Variants in RAB20 observed in about 807,000 individuals in gnomAD.
RAB20 encodes the protein ras-related protein Rab-20.
Under a neutral mutation model 3.7 loss-of-function variants are expected in RAB20, and 2 were observed. The ratio of observed to expected loss-of-function variants is 0.54; its 90% CI spans 0.22 to 1.69. The LOEUF (loss-of-function observed/expected upper bound fraction) is 1.69. Among genes scored for constraint, RAB20 ranks in the 40% most tolerant of loss-of-function variants. RAB20 has a pLI of 0.19. For synonymous variants in RAB20, 126 were observed against 130.8 expected (o/e 0.96, Z 0.25); for missense variants, 276 against 311.9 (o/e 0.88, Z 0.87).
chr13:110,534,550 G>A (rs575353152), intron 1 of RAB20, among the ~76,000 whole-genome samples: 3 of 152,294 alleles, frequency 2.0e-5, no homozygotes, highest in Admixed American at 1.3e-4. Context: ...GGCATGACAG[G>A]GGCTTTTCAG....
At chr13:110,535,459 C>A (rs982717171) in intron 1 of RAB20, among the ~76,000 whole-genome samples, 2 of 152,266 alleles carry the variant, frequency 1.3e-5, no homozygotes, top group Non-Finnish European at 2.9e-5. Context: ...ACAACCACTT[C>A]GTGGGTCACG....
chr13:110,554,945 G>A (rs1479870541), intron 1 of RAB20, among the ~76,000 whole-genome samples: 1 of 151,356 alleles, frequency 6.6e-6, no homozygotes, highest in Non-Finnish European at 1.5e-5. Context: ...CCAGACCTTG[G>A]GTTCCCAAGG....
chr13:110,538,099 C>T (rs1027538816), intron 1 of RAB20, among the ~76,000 whole-genome samples: 2 of 151,696 alleles, frequency 1.3e-5, no homozygotes, highest in Non-Finnish European at 2.9e-5. Flanking sequence ...AATCAGTGGG[C>T]ATGGTGGTGT....
intron 1 of RAB20, among the ~76,000 whole-genome samples, chr13:110,533,814 C>T (rs1256359107): frequency 2.0e-5 from 3 of 152,232 alleles, no homozygotes; most frequent in Admixed American, 6.5e-5. Context: ...GGAAGGCCCA[C>T]AAGAGTCCCT....
rs538128626 is a variant in RAB20, at chr13:110,541,131, T to C, written c.173-16934A>G. ...AGAGCCGACCACCCCTCACTCTAAG[T>C]AAAACCTGACAGCTGATCTTTTCAC... On this transcript the variant is annotated intron_variant, in intron 1 of 1. Coordinates refer to ENST00000267328, the MANE Select transcript of RAB20 (RefSeq NM_017817.3). Among the ~76,000 whole-genome samples, 9 of 152,196 alleles carry C rather than the reference T, an allele frequency of 5.9e-5. No individual in the cohort carries two copies. In the East Asian group the frequency reaches 1.7e-3, roughly 29 times the overall value.
intron 1 of RAB20, among the ~76,000 whole-genome samples, chr13:110,552,750 CAG>C (rs1566591375): frequency 6.6e-6 from 1 of 151,510 alleles, no homozygotes; most frequent in Non-Finnish European, 1.5e-5. Flanking sequence ...TCTATTTCTC[CAG>C]AGAGCTTAAA....
At chr13:110,536,946 C>G (rs1594132299) in intron 1 of RAB20, among the ~76,000 whole-genome samples, 3 of 108,050 alleles carry the variant, frequency 2.8e-5, no homozygotes, top group South Asian at 6.7e-4. Context: ...CACCCCACAA[C>G]AGGCCCCGCT....
chr13:110,538,795 T>G (rs2182272), intron 1 of RAB20, among the ~76,000 whole-genome samples: 140,603 of 152,112 alleles, frequency 0.92, 65,039 homozygotes, highest in South Asian at 0.96. Context: ...CATCCTGTGT[T>G]CTCAGCTGTG....
rs1566589417 is a variant in RAB20 at position 110,546,726 on chromosome 13, GT to G, written c.172+14621del. 4.4e-4 allele frequency among the ~76,000 whole-genome samples: 18 copies of G among 40,894 alleles called. No individual in the cohort carries two copies. In the East Asian group the frequency reaches 0.014, roughly 32 times the overall value. The allele number at this position is 40,894 out of a possible 152,430, so 26.8% of individuals were successfully genotyped here. A position where few individuals can be genotyped will look rare whatever the true frequency, so the allele number is the denominator to read the frequency against. Reference sequence around the variant, plus strand: ...TTTTTTTTTGTTTTTTGGGTTTTTTGTTTGTTTGTTTGTTTGTTTGTTTGTT... The same window carrying G: ...TTTTTTTTTGTTTTTTGGGTTTTTTGTTGTTTGTTTGTTTGTTTGTTTGTT... On this transcript the variant is annotated intron_variant, in intron 1 of 1. Coordinates refer to ENST00000267328, the MANE Select transcript of RAB20 (RefSeq NM_017817.3).
rs899197449 is a variant in RAB20 at position 110,555,306 on chromosome 13, C to T, written c.172+6042G>A. Among the ~76,000 whole-genome samples, 5 of 152,196 alleles carry T rather than the reference C, an allele frequency of 3.3e-5. No homozygotes were observed. The highest frequency in any genetic ancestry group is 2.1e-4 in the South Asian group (1 of 4,830). The stretch of plus-strand genomic sequence containing the variant: ...TCAAATGAGGCTTGAATTCCTCTTC[C>T]ACGTGACAACCTTCCAACACTCAAA... On this transcript the variant is annotated intron_variant, in intron 1 of 1. Coordinates refer to ENST00000267328, the MANE Select transcript of RAB20 (RefSeq NM_017817.3). This position sits in a 1 kb window ranked among gnomAD's most constrained non-coding sequence, Gnocchi z 4.0.
intron 1 of RAB20, among the ~76,000 whole-genome samples, chr13:110,536,288 T>A (rs1178498480): frequency 6.6e-6 from 1 of 152,142 alleles, no homozygotes. Context: ...GGGGAGAGGA[T>A]GAGCTTCTGC....
chr13:110,529,970 G>T lies in RAB20; in HGVS notation c.173-5773C>A, dbSNP rs537972841. On this transcript the variant is annotated intron_variant, in intron 1 of 1. Transcript: ENST00000267328. ...CTGGTGGTGAGGGAAACCTGAATCT[G>T]TAAGAACGCCTCCAATGTCTGATCA... 2.6e-5 allele frequency among the ~76,000 whole-genome samples: 4 copies of T among 152,340 alleles called. No individual in the cohort carries two copies. The East Asian group carries it at 7.7e-4, about 29-fold the overall frequency.
intron 1 of RAB20, among the ~76,000 whole-genome samples, chr13:110,534,620 C>T (rs906437531): frequency 2.6e-5 from 4 of 152,112 alleles, no homozygotes; most frequent in African/African-American, 7.2e-5. Flanking sequence ...GTTCCTTGCC[C>T]GGGCAGTTAT....
At chr13:110,547,478 T>C (rs566192137) in intron 1 of RAB20, among the ~76,000 whole-genome samples, 21 of 152,302 alleles carry the variant, frequency 1.4e-4, no homozygotes, top group South Asian at 4.1e-4. Context: ...ATGCACGAAA[T>C]AGAACGTAGC....
intron 1 of RAB20, among the ~76,000 whole-genome samples, chr13:110,541,968 A>G (rs1566587989): frequency 6.6e-6 from 1 of 152,192 alleles, no homozygotes; most frequent in African/African-American, 2.4e-5. Flanking sequence ...ACACGGAGAC[A>G]GTAACCAGTG....
intron 1 of RAB20, 81 bp downstream of exon 1, chr13:110,561,267 C>T (rs1310836714): frequency 4.2e-6 from 6 of 1,438,642 alleles, no homozygotes; most frequent in African/African-American, 3.0e-5. Flanking sequence ...TGTGCGCGGC[C>T]GGGTGCCCTG....
chr13:110,523,510 C>T lies in RAB20; in HGVS notation c.*155G>A. The T allele has an allele frequency of 1.4e-6, 2 of 1,387,910 alleles. No homozygotes were observed. The highest frequency in any genetic ancestry group is 9.5e-7 in the Non-Finnish European group (1 of 1,049,388). The allele number at this position is 1,387,910 out of a possible 1,614,324, so 86.0% of individuals were successfully genotyped here. A position where few individuals can be genotyped will look rare whatever the true frequency, so the allele number is the denominator to read the frequency against. On this transcript the variant is annotated 3_prime_UTR_variant, in exon 2 of 2. Coordinates refer to ENST00000267328, the MANE Select transcript of RAB20 (RefSeq NM_017817.3). ...AGGAGACCACACACGTTGACCTCCT[C>T]TTCATAGCCAGCCATCATTTCCACT...
chr13:110,547,361 A>G (rs1884871572), intron 1 of RAB20, among the ~76,000 whole-genome samples: 1 of 152,240 alleles, frequency 6.6e-6, no homozygotes, highest in African/African-American at 2.4e-5. Context: ...GTTAACAGGA[A>G]TCTTAACACA....
rs1434534772 is a variant in RAB20 at position 110,524,308 on chromosome 13, A to G, written c.173-111T>C. On this transcript the variant is annotated intron_variant, in intron 1 of 1. Coordinates refer to ENST00000267328, the MANE Select transcript of RAB20 (RefSeq NM_017817.3). ...GGGATGTTTATTTTTAGGGCAACACACACAGGATGAAATGCTTAAACATAG... is the reference window on the plus strand; with the variant it reads ...GGGATGTTTATTTTTAGGGCAACACGCACAGGATGAAATGCTTAAACATAG... 2.8e-6 allele frequency: 4 copies of G among 1,404,212 alleles called. No homozygotes were observed. In the African/African-American group the frequency reaches 4.3e-5, roughly 15 times the overall value. The allele number at this position is 1,404,212 out of a possible 1,614,324, so 87.0% of individuals were successfully genotyped here. A position where few individuals can be genotyped will look rare whatever the true frequency, so the allele number is the denominator to read the frequency against.
Sources: allele counts gnomAD v4.1 joint callset (sites outside exome capture counted in the v4.1 genomes callset), GRCh38; gene constraint gnomAD v4.1.1; non-coding constraint Gnocchi (gnomAD v3.1); transcripts MANE v1.5; gene names NCBI Gene and HGNC (gene_info 2026-07-23, HGNC 2026-07-21).